PDE3A: variants seen among roughly 807,000 people sequenced by gnomAD.
PDE3A encodes cGMP-inhibited 3',5'-cyclic phosphodiesterase 3A.
In PDE3A, 43 loss-of-function variants were observed where a neutral mutation model predicts 98.3. That is an observed-to-expected ratio of 0.44 (90% CI 0.34 to 0.56). The LOEUF (loss-of-function observed/expected upper bound fraction) is 0.56, where lower values mean the gene tolerates loss of function less well. PDE3A is among the 20% of genes least tolerant of loss of function. The pLI, the probability that PDE3A is intolerant of heterozygous loss-of-function variation, is 0.01. For missense variants in PDE3A, 1,427 were observed against 1,440.7 expected, an observed-to-expected ratio of 0.99 and a Z score of 0.15; for synonymous variants, 663 against 567.9, an observed-to-expected ratio of 1.17 and a Z score of -2.38.
chr12:20,576,494 A>G (rs1449277679), intron 2 of PDE3A, among the ~76,000 whole-genome samples: 1 of 152,136 alleles, frequency 6.6e-6, no homozygotes, highest in Non-Finnish European at 1.5e-5. Flanking sequence ...CAACTAATTA[A>G]AAACAGAGGG....
At chr12:20,561,248 G>A (rs74345615) in intron 2 of PDE3A, among the ~76,000 whole-genome samples, 3,756 of 151,286 alleles carry the variant, frequency 0.025, 142 homozygotes, top group African/African-American at 0.087. Context: ...AAAGAGCGAG[G>A]CTCTGCTAAA....
chr12:20,457,733 TA>T (rs1207865558), intron 1 of PDE3A, among the ~76,000 whole-genome samples: 1 of 151,966 alleles, frequency 6.6e-6, no homozygotes, highest in Non-Finnish European at 1.5e-5. Flanking sequence ...TTATATCTGT[TA>T]AAAAATAACT....
At chr12:20,563,085 T>C (rs530359477) in intron 2 of PDE3A, among the ~76,000 whole-genome samples, 71 of 152,330 alleles carry the variant, frequency 4.7e-4, no homozygotes, top group Non-Finnish European at 6.6e-4. Flanking sequence ...TGAGCCTTTA[T>C]AGCATAATGT....
chr12:20,435,904 TTTTTG>T (rs58859964), intron 1 of PDE3A, among the ~76,000 whole-genome samples: 6 of 152,088 alleles, frequency 3.9e-5, no homozygotes, highest in Non-Finnish European at 7.4e-5. Flanking sequence ...CACCCCTGCT[TTTTTG>T]TTTTGTTTTG....
At chr12:20,676,408 T>C (rs1350975995) in intron 15 of PDE3A, among the ~76,000 whole-genome samples, 2 of 152,156 alleles carry the variant, frequency 1.3e-5, no homozygotes, top group Non-Finnish European at 2.9e-5. Flanking sequence ...GAATGATTTC[T>C]GCTGAGAAAT....
chr12:20,519,956 G>T (rs2121146774), intron 1 of PDE3A, among the ~76,000 whole-genome samples: 1 of 152,270 alleles, frequency 6.6e-6, no homozygotes, highest in Admixed American at 6.5e-5. Flanking sequence ...CTCCAACGTA[G>T]ATGTCCTTAA....
At chr12:20,534,105 C>T (rs952667170) in intron 1 of PDE3A, among the ~76,000 whole-genome samples, 11 of 152,260 alleles carry the variant, frequency 7.2e-5, no homozygotes, top group African/African-American at 2.6e-4. Context: ...TCAAGCCACA[C>T]GTTATGCAGC....
chr12:20,617,983 A>G (rs1944045386), intron 4 of PDE3A, among the ~76,000 whole-genome samples: 1 of 152,172 alleles, frequency 6.6e-6, no homozygotes, highest in Admixed American at 6.5e-5. Context: ...AGAAATAAGG[A>G]AAATACTTAC....
At chr12:20,624,465 A>C (rs1167315534) in intron 5 of PDE3A, among the ~76,000 whole-genome samples, 2 of 152,128 alleles carry the variant, frequency 1.3e-5, no homozygotes, top group Non-Finnish European at 2.9e-5. Context: ...CAAAGGAGCA[A>C]AATGTAAAAG....
chr12:20,502,296 G>A (rs2121086888), intron 1 of PDE3A, among the ~76,000 whole-genome samples: 1 of 152,186 alleles, frequency 6.6e-6, no homozygotes, highest in South Asian at 2.1e-4. Context: ...ATCACTTAAG[G>A]TATGAGTCTC....
intron 1 of PDE3A, among the ~76,000 whole-genome samples, chr12:20,533,352 G>T (rs1040633153): frequency 6.6e-6 from 1 of 151,342 alleles, no homozygotes; most frequent in African/African-American, 2.4e-5. Context: ...CATTCCTATT[G>T]TCTCTGCCTT....
chr12:20,572,074 G>T, intron 2 of PDE3A: 1 of 1,197,102 alleles, frequency 8.4e-7, no homozygotes, highest in Non-Finnish European at 1.1e-6. Context: ...AAAAAAATGA[G>T]AATCAGTCTA....
chr12:20,535,986 G>C (rs1941738350), intron 1 of PDE3A, among the ~76,000 whole-genome samples: 1 of 152,138 alleles, frequency 6.6e-6, no homozygotes, highest in African/African-American at 2.4e-5. Context: ...CATCTCTTCA[G>C]TGGAGTATTA....
At chr12:20,478,807 T>C (rs139172649) in intron 1 of PDE3A, among the ~76,000 whole-genome samples, 71 of 152,326 alleles carry the variant, frequency 4.7e-4, no homozygotes, top group African/African-American at 1.7e-3. Context: ...AATTCTAATG[T>C]AAAATAGTCA....
chr12:20,400,610 A>G (rs573276461), intron 1 of PDE3A, among the ~76,000 whole-genome samples: 461 of 151,646 alleles, frequency 3.0e-3, no homozygotes, highest in African/African-American at 9.7e-3. Flanking sequence ...AGTGGAGACG[A>G]GGTTTCACTG....
chr12:20,508,754 A>G (rs1369258795), intron 1 of PDE3A, among the ~76,000 whole-genome samples: 1 of 151,284 alleles, frequency 6.6e-6, no homozygotes. Context: ...GTGATGATCA[A>G]TTTTCTGATT....
rs1167990313 is a variant in PDE3A at position 20,681,866 on chromosome 12, A to T, written c.*1595A>T. ...TGTCATGATAGTTATCTTGATGTAA[A>T]TATGAAGATTTTTTTGTTTCTGTAG... is the stretch of plus-strand genomic sequence containing the variant. On this transcript the variant is annotated 3_prime_UTR_variant, in exon 16 of 16. Coordinates refer to ENST00000359062, the MANE Select transcript of PDE3A (RefSeq NM_000921.5). 1 of 152,134 alleles carries T rather than the reference A, an allele frequency of 6.6e-6. No individual in the cohort carries two copies. The highest frequency in any genetic ancestry group is 2.4e-5 in the African/African-American group (1 of 41,438). 9.4% of individuals were successfully genotyped at this position (152,134 alleles called of 1,614,324 possible).
At chr12:20,669,755 G>A (rs1422868355) in intron 15 of PDE3A, among the ~76,000 whole-genome samples, 1 of 152,100 alleles carries the variant, frequency 6.6e-6, no homozygotes, top group Non-Finnish European at 1.5e-5. Flanking sequence ...ATGCCAAGAT[G>A]TAAAGACCAT....
chr12:20,625,738 T>C (rs1302307598), intron 5 of PDE3A, among the ~76,000 whole-genome samples: 1 of 152,194 alleles, frequency 6.6e-6, no homozygotes, highest in East Asian at 1.9e-4. Flanking sequence ...TCCTTGTGTC[T>C]TGACACACAT....
Sources: allele counts gnomAD v4.1 joint callset (sites outside exome capture counted in the v4.1 genomes callset), GRCh38; gene constraint gnomAD v4.1.1; transcripts MANE v1.5; gene names NCBI Gene and HGNC (gene_info 2026-07-23, HGNC 2026-07-21).